TASP1: variants seen among roughly 807,000 people sequenced by gnomAD.
TASP1 encodes the protein taspase 1, also known as threonine aspartase 1.
TASP1 carries 16 observed loss-of-function variants against 56.6 expected under a neutral mutation model. The ratio of observed to expected loss-of-function variants is 0.28; its 90% confidence interval spans 0.19 to 0.43. The LOEUF (loss-of-function observed/expected upper bound fraction) is 0.43. TASP1 is among the 20% of genes least tolerant of loss of function. The pLI, the probability that TASP1 is intolerant of heterozygous loss-of-function variation, is 1.00. For synonymous variants in TASP1, 179 were observed against 184.2 expected (o/e 0.97, Z 0.23); for missense variants, 393 against 511.6 (o/e 0.77, Z 2.24).
At chr20:13,490,027 C>T (rs1342753918) in intron 10 of TASP1, among the ~76,000 whole-genome samples, 3 of 152,166 alleles carry the variant, frequency 2.0e-5, no homozygotes, top group Non-Finnish European at 2.9e-5. Flanking sequence ...AAGAAGACGA[C>T]TTCTAGCTAC....
the TASP1 span, among the ~76,000 whole-genome samples, chr20:13,252,010 G>C: frequency 6.6e-6 from 1 of 152,192 alleles, no homozygotes; most frequent in African/African-American, 2.4e-5. Context: ...ATTTGCTGGA[G>C]GAAAGCAAAG....
intron 11 of TASP1, among the ~76,000 whole-genome samples, chr20:13,459,214 C>T (rs1257398010): frequency 6.6e-6 from 1 of 152,122 alleles, no homozygotes; most frequent in African/African-American, 2.4e-5. Context: ...CACTCACTCC[C>T]TTTATCGTCC....
the TASP1 span, among the ~76,000 whole-genome samples, chr20:13,110,737 C>A: frequency 6.6e-6 from 1 of 152,088 alleles, no homozygotes; most frequent in South Asian, 2.1e-4. Context: ...TGTTCCAGAG[C>A]CAGCGGGTAG....
At chr20:13,549,811 C>T (rs576245262) in intron 8 of TASP1, among the ~76,000 whole-genome samples, 16 of 152,006 alleles carry the variant, frequency 1.1e-4, no homozygotes, top group African/African-American at 3.4e-4. Context: ...CCATTGATTC[C>T]GTTAAATACT....
intron 2 of TASP1, among the ~76,000 whole-genome samples, chr20:13,626,686 A>G (rs1249141654): frequency 6.6e-6 from 1 of 152,148 alleles, no homozygotes; most frequent in Non-Finnish European, 1.5e-5. Context: ...ACATTCACAG[A>G]GCCTGTGCCA....
chr20:13,353,910 A>C, the TASP1 span, among the ~76,000 whole-genome samples: 2 of 152,320 alleles, frequency 1.3e-5, no homozygotes, highest in South Asian at 4.2e-4. Flanking sequence ...AGAAAGAGGA[A>C]AAAAAGTAAT....
At position 13,390,366 on chromosome 20, in the gene TASP1, C is replaced by T; in HGVS notation, c.1257G>A (p.Val419=). The change falls in exon 14 of 14, where the codon GTG becomes GTA. Residue 419 remains valine, a synonymous_variant. Transcript: ENST00000337743. Reference sequence around the variant, plus strand: ...TCACACTCAGCCTGAAGGGTCAGTTCACTGGGCTCTCCAGGCGGCACACCC... The same window carrying T: ...TCACACTCAGCCTGAAGGGTCAGTTTACTGGGCTCTCCAGGCGGCACACCC... ...EGGVCRLESP[V]N The T allele has an allele frequency of 6.2e-7, 1 of 1,613,982 alleles. No homozygotes were observed. Among genetic ancestry groups the T allele is most frequent in the Non-Finnish European group, 8.5e-7 (1 of 1,179,894 alleles).
chr20:13,332,039 T>A, the TASP1 span, among the ~76,000 whole-genome samples: 1 of 152,160 alleles, frequency 6.6e-6, no homozygotes, highest in East Asian at 1.9e-4. Flanking sequence ...CTCAAGTAAT[T>A]TCCAGTATGA....
the TASP1 span, among the ~76,000 whole-genome samples, chr20:13,369,877 A>G: frequency 1.8e-3 from 275 of 152,310 alleles, 1 homozygote; most frequent in African/African-American, 6.4e-3. Context: ...ACTTTTCCCT[A>G]TTCTCTCCAT....
chr20:13,165,099 T>TACACAC, the TASP1 span: 3,455 of 374,498 alleles, frequency 9.2e-3, 21 homozygotes, highest in Middle Eastern at 0.018. Context: ...CTACTAGAAA[T>TACACAC]ACACACACAC....
At chr20:13,123,685 C>T in the TASP1 span, among the ~76,000 whole-genome samples, 1 of 152,188 alleles carries the variant, frequency 6.6e-6, no homozygotes, top group South Asian at 2.1e-4. Flanking sequence ...CCATTCTATG[C>T]CCATAAGATG....
At chr20:13,148,411 C>T in the TASP1 span, among the ~76,000 whole-genome samples, 1 of 152,136 alleles carries the variant, frequency 6.6e-6, no homozygotes, top group African/African-American at 2.4e-5. Context: ...TTGATTTAAC[C>T]ACCCTCAGGG....
chr20:13,140,586 T>C, the TASP1 span, among the ~76,000 whole-genome samples: 1 of 152,182 alleles, frequency 6.6e-6, no homozygotes, highest in South Asian at 2.1e-4. Context: ...TTTGCTTCTG[T>C]TATGTCTAGA....
chr20:13,631,954 G>T (rs2049101399), intron 1 of TASP1, among the ~76,000 whole-genome samples: 1 of 151,960 alleles, frequency 6.6e-6, no homozygotes, highest in Non-Finnish European at 1.5e-5. Flanking sequence ...TTGGGAGGCT[G>T]AGGCAGAGAA....
intron 4 of TASP1, among the ~76,000 whole-genome samples, chr20:13,596,191 G>A (rs920973606): frequency 6.6e-6 from 1 of 151,966 alleles, no homozygotes; most frequent in African/African-American, 2.4e-5. Context: ...TGACCAACAT[G>A]GAGAAACCCC....
intron 8 of TASP1, among the ~76,000 whole-genome samples, chr20:13,536,343 C>T (rs1314716020): frequency 1.3e-5 from 2 of 152,198 alleles, no homozygotes; most frequent in Non-Finnish European, 2.9e-5. Context: ...GAAGGAGAAA[C>T]TTAAACTACC....
the TASP1 span, among the ~76,000 whole-genome samples, chr20:13,341,828 C>T: frequency 6.6e-6 from 1 of 152,218 alleles, no homozygotes; most frequent in Admixed American, 6.5e-5. Context: ...TGTTGGCTGG[C>T]TGTTCTAGGA....
intron 12 of TASP1, among the ~76,000 whole-genome samples, chr20:13,426,357 G>A (rs2042616981): frequency 6.6e-6 from 1 of 151,990 alleles, no homozygotes; most frequent in Non-Finnish European, 1.5e-5. Context: ...AGTGTAATAA[G>A]AATTACATAG....
intron 4 of TASP1, among the ~76,000 whole-genome samples, chr20:13,590,670 A>G (rs886283684): frequency 6.6e-6 from 1 of 152,120 alleles, no homozygotes; most frequent in East Asian, 1.9e-4. Flanking sequence ...ATTCGAGACC[A>G]GCCTGGCCAA....
Sources: gnomAD v4.1 joint callset for allele counts (sites outside exome capture counted in the v4.1 genomes callset) on GRCh38, gnomAD v4.1.1 for gene constraint, MANE v1.5 for transcripts, NCBI Gene and HGNC (gene_info 2026-07-23, HGNC 2026-07-21) for gene names.